Variants in ADCK1 observed in about 807,000 individuals in gnomAD.
ADCK1 encodes the protein aarF domain containing kinase 1.
Under a neutral mutation model 52.3 loss-of-function variants are expected in ADCK1, and 41 were observed. That is an observed-to-expected ratio of 0.78 (90% CI 0.61 to 1.02). The LOEUF (loss-of-function observed/expected upper bound fraction) is 1.02. Ranked by LOEUF, ADCK1 falls within the 50% of genes least tolerant of loss-of-function variation. The probability of loss-of-function intolerance (pLI) is 0.00; values close to 1 mark genes in which losing one functional copy is unlikely to be tolerated. For synonymous variants in ADCK1, 250 were observed against 274.6 expected, an observed-to-expected ratio of 0.91 and a Z score of 0.89; for missense variants, 658 against 679.5, an observed-to-expected ratio of 0.97 and a Z score of 0.35.
intron 4 of ADCK1, among the ~76,000 whole-genome samples, chr14:77,862,555 A>G (rs1000711355): frequency 1.3e-5 from 2 of 152,236 alleles, no homozygotes; most frequent in African/African-American, 4.8e-5. Flanking sequence ...GGGCATGCAT[A>G]GCCTCAGCCA....
In ADCK1 at chr14:77,838,955, G is replaced by A. The variant is rs1393679938; in HGVS notation, c.219+16437G>A. 4.6e-5 allele frequency among the ~76,000 whole-genome samples: 7 copies of A among 152,190 alleles called. 1 individual carries two copies. The highest frequency in any genetic ancestry group is 9.7e-5 in the African/African-American group (4 of 41,442). On this transcript the variant is annotated intron_variant, in intron 3 of 10. Coordinates refer to ENST00000238561, the MANE Select transcript of ADCK1 (RefSeq NM_020421.4). ...AATGATGGGACTCAAAAGCACATCC[G>A]CTCCAGGAGGATAGGGGACTTGTTT...
chr14:77,804,649 C>T (rs1305307113), intron 1 of ADCK1, among the ~76,000 whole-genome samples: 3 of 151,972 alleles, frequency 2.0e-5, no homozygotes, highest in Non-Finnish European at 4.4e-5. Context: ...GATGAATTGT[C>T]AGCCCAGGGC....
intron 9 of ADCK1, among the ~76,000 whole-genome samples, chr14:77,928,488 G>GTC (rs921283096): frequency 4.7e-5 from 7 of 149,648 alleles, no homozygotes; most frequent in Admixed American, 1.3e-4. Flanking sequence ...TTGAGACAGA[G>GTC]TCTCTCTCTC....
chr14:77,835,821 A>G (rs2081948979), intron 3 of ADCK1, among the ~76,000 whole-genome samples: 1 of 152,244 alleles, frequency 6.6e-6, no homozygotes, highest in South Asian at 2.1e-4. Flanking sequence ...TTTTTTGTAG[A>G]GACAAGGTTT....
intron 7 of ADCK1, among the ~76,000 whole-genome samples, chr14:77,911,340 T>C (rs1446032495): frequency 6.6e-6 from 1 of 152,048 alleles, no homozygotes; most frequent in Non-Finnish European, 1.5e-5. Context: ...TAAATGTGTG[T>C]TTTGTTTTTT....
chr14:77,892,515 A>G (rs930079569), intron 5 of ADCK1, among the ~76,000 whole-genome samples: 3 of 151,952 alleles, frequency 2.0e-5, no homozygotes, highest in Admixed American at 6.6e-5. Context: ...GACTCTTTCC[A>G]TGTTTCACTC....
At chr14:77,859,325 GA>G in intron 4 of ADCK1, 46 bp downstream of exon 4, 1 of 1,574,748 alleles carries the variant, frequency 6.4e-7, no homozygotes, top group South Asian at 1.2e-5. Context: ...GGATGCTTCA[GA>G]AAAGGCCCCG....
At chr14:77,884,072 C>A (rs1420253498) in intron 4 of ADCK1, among the ~76,000 whole-genome samples, 1 of 152,232 alleles carries the variant, frequency 6.6e-6, no homozygotes, top group East Asian at 1.9e-4. Context: ...CCATGTCACT[C>A]TTCAGTTACA....
intron 9 of ADCK1, among the ~76,000 whole-genome samples, chr14:77,928,762 T>G (rs933984283): frequency 6.6e-6 from 1 of 152,120 alleles, no homozygotes; most frequent in East Asian, 1.9e-4. Context: ...GCCCAGCCTG[T>G]TTTTGCATTC....
intron 6 of ADCK1, among the ~76,000 whole-genome samples, chr14:77,902,983 G>T (rs2083580905): frequency 6.6e-6 from 1 of 152,172 alleles, no homozygotes; most frequent in Non-Finnish European, 1.5e-5. Flanking sequence ...ACCGGCAGGG[G>T]TGCCCCTCAG....
chr14:77,883,962 C>T (rs1031899863), intron 4 of ADCK1, among the ~76,000 whole-genome samples: 10 of 152,192 alleles, frequency 6.6e-5, no homozygotes, highest in East Asian at 3.8e-4. Context: ...GGCTTCCTCT[C>T]GCCCTGGAGA....
intron 3 of ADCK1, among the ~76,000 whole-genome samples, chr14:77,845,205 A>G (rs544401197): frequency 6.6e-6 from 1 of 151,524 alleles, no homozygotes; most frequent in South Asian, 2.1e-4. Flanking sequence ...TCTTGGAGTT[A>G]GACTGCCGGG....
At chr14:77,890,854 A>C (rs2083269425) in intron 5 of ADCK1, among the ~76,000 whole-genome samples, 1 of 152,176 alleles carries the variant, frequency 6.6e-6, no homozygotes, top group African/African-American at 2.4e-5. Flanking sequence ...AGCAGAGCAT[A>C]GGATTAAATA....
chr14:77,927,316 G>A (rs1285713924), intron 9 of ADCK1, among the ~76,000 whole-genome samples: 1 of 152,182 alleles, frequency 6.6e-6, no homozygotes, highest in African/African-American at 2.4e-5. Context: ...CTTGAAGCCC[G>A]TCATCTCAAA....
At chr14:77,852,660 A>AATATATATATATAT (rs370053776) in intron 3 of ADCK1, among the ~76,000 whole-genome samples, 39 of 31,684 alleles carry the variant, frequency 1.2e-3, no homozygotes, top group Middle Eastern at 0.036. Context: ...TAAATAAATA[A>AATATATATATATAT]ATATATATAT....
intron 3 of ADCK1, among the ~76,000 whole-genome samples, chr14:77,852,883 GTATATATATATA>G (rs1287274541): frequency 5.4e-5 from 1 of 18,520 alleles, no homozygotes; most frequent in East Asian, 7.0e-4. Context: ...TTTTATGTGT[GTATATATATATA>G]TATATATATA....
intron 2 of ADCK1, among the ~76,000 whole-genome samples, chr14:77,819,355 G>A (rs1445046220): frequency 6.6e-6 from 1 of 152,162 alleles, no homozygotes; most frequent in Non-Finnish European, 1.5e-5. Flanking sequence ...GTGATCCTGA[G>A]GTAACATAGA....
intron 3 of ADCK1, among the ~76,000 whole-genome samples, chr14:77,847,023 G>A (rs1051709306): frequency 2.0e-5 from 3 of 152,216 alleles, no homozygotes; most frequent in Admixed American, 6.5e-5. Flanking sequence ...GGCGTGGCAC[G>A]GAGAATGGGT....
In ADCK1 at chr14:77,907,880, C is replaced by G; in HGVS notation, c.819C>G (p.Asp273Glu). 2.5e-6 allele frequency: 4 copies of G among 1,613,994 alleles called. No homozygotes were observed. The highest frequency in any genetic ancestry group is 3.4e-6 in the Non-Finnish European group (4 of 1,179,938). ...MEFVDGGQVN[D>E]RDYMERNKID... ...TTGTGGATGGCGGGCAGGTCAATGA[C>G]AGAGACTACATGGAGAGGAACAAGA... Residue 273 changes from aspartate to glutamate, a missense_variant, in exon 7 of 11, where the codon GAC (aspartate) becomes GAG (glutamate). By Grantham distance (45) the Asp-to-Glu change is conservative. Coordinates refer to ENST00000238561, the MANE Select transcript of ADCK1 (RefSeq NM_020421.4).
Sources: gnomAD v4.1 joint callset for allele counts (sites outside exome capture counted in the v4.1 genomes callset) on GRCh38, gnomAD v4.1.1 for gene constraint, MANE v1.5 for transcripts, NCBI Gene and HGNC (gene_info 2026-07-23, HGNC 2026-07-21) for gene names.